TENM4: variants seen among roughly 807,000 people sequenced by gnomAD.
TENM4 encodes the protein teneurin transmembrane protein 4.
A neutral mutation model predicts 243.3 loss-of-function variants in TENM4; 82 were observed. That is an observed-to-expected ratio of 0.34 (90% CI 0.28 to 0.40). The LOEUF is 0.40. Ranked by LOEUF, TENM4 falls within the 10% of genes least tolerant of loss-of-function variation. The probability of loss-of-function intolerance (pLI) is 1.00; values close to 1 mark genes in which losing one functional copy is unlikely to be tolerated. For synonymous variants in TENM4, 1,412 were observed against 1,456.3 expected (o/e 0.97, Z 0.69); for missense variants, 3,138 against 3,673.3 (o/e 0.85, Z 3.77).
At position 79,005,682 on chromosome 11, in the gene TENM4, A is replaced by T. The variant is rs1301436595; in HGVS notation, c.493+59056T>A. On this transcript the variant is annotated intron_variant, in intron 6 of 33. Transcript: ENST00000278550. ...TTGAAGCATTTCCCCTGAGAGCAAG[A>T]AAAAGAAAAGGATGCCCACTCTCAC... Among the ~76,000 whole-genome samples the T allele has an allele frequency of 2.0e-5, 3 of 152,304 alleles. No homozygotes were observed. In the East Asian group the frequency reaches 5.8e-4, roughly 29 times the overall value.
At chr11:79,148,216 A>G (rs955511520) in intron 4 of TENM4, among the ~76,000 whole-genome samples, 19 of 152,222 alleles carry the variant, frequency 1.2e-4, no homozygotes, top group Admixed American at 1.3e-4. Context: ...AACAAATAAC[A>G]AGAAAAGATC....
chr11:79,348,387 A>G (rs1857363919), intron 1 of TENM4, among the ~76,000 whole-genome samples: 1 of 152,210 alleles, frequency 6.6e-6, no homozygotes, highest in South Asian at 2.1e-4. Context: ...CCCATACCAA[A>G]ACACAGGGAT....
At chr11:78,807,486 AAGGAGAAGAGT>A (rs2136090439) in intron 14 of TENM4, among the ~76,000 whole-genome samples, 1 of 152,346 alleles carries the variant, frequency 6.6e-6, no homozygotes, top group East Asian at 1.9e-4. Flanking sequence ...CTGCATGGAA[AAGGAGAAGAGT>A]ACTGAGAATT....
In TENM4 at chr11:79,188,680, G is replaced by A. The variant is rs1164757665; in HGVS notation, c.-163+27128C>T. On this transcript the variant is annotated intron_variant, in intron 3 of 33. Coordinates refer to ENST00000278550, the MANE Select transcript of TENM4 (RefSeq NM_001098816.3). ...GAGAAGTGAGGATGGGGATGGGGAAGAGGAGAAAAGAGAGAGAGGAGGGAA... is the reference window on the plus strand; with the variant it reads ...GAGAAGTGAGGATGGGGATGGGGAAAAGGAGAAAAGAGAGAGAGGAGGGAA... Among the ~76,000 whole-genome samples, 4 of 151,292 alleles carry A rather than the reference G, an allele frequency of 2.6e-5. No homozygotes were observed. The East Asian group carries it at 7.8e-4, about 30-fold the overall frequency.
intron 4 of TENM4, among the ~76,000 whole-genome samples, chr11:79,081,618 G>C (rs572638273): frequency 5.3e-4 from 80 of 151,676 alleles, no homozygotes; most frequent in African/African-American, 1.9e-3. Flanking sequence ...AGAAACCAAA[G>C]GCTCTATTGT....
chr11:78,999,066 A>C (rs1486167969), intron 6 of TENM4, among the ~76,000 whole-genome samples: 1 of 152,236 alleles, frequency 6.6e-6, no homozygotes, highest in African/African-American at 2.4e-5. Context: ...TGTTTTGAGC[A>C]CAGTCTCTGT....
At chr11:78,842,926 C>T (rs761566981) in intron 12 of TENM4, among the ~76,000 whole-genome samples, 40 of 152,132 alleles carry the variant, frequency 2.6e-4, no homozygotes, top group Non-Finnish European at 4.9e-4. Flanking sequence ...GTAATCCCAG[C>T]GCTTTGGGAG....
chr11:78,841,931 C>A (rs928135018), intron 12 of TENM4, among the ~76,000 whole-genome samples: 1 of 152,120 alleles, frequency 6.6e-6, no homozygotes, highest in Non-Finnish European at 1.5e-5. Context: ...TAATCATCTT[C>A]CTAAGTTTTC....
At chr11:78,893,166 C>T (rs1454429446) in intron 7 of TENM4, among the ~76,000 whole-genome samples, 1 of 152,202 alleles carries the variant, frequency 6.6e-6, no homozygotes, top group Non-Finnish European at 1.5e-5. Context: ...TAAAGTCTTC[C>T]CCAGTGCCTG....
intron 6 of TENM4, among the ~76,000 whole-genome samples, chr11:78,923,935 A>G (rs1390781109): frequency 1.4e-5 from 2 of 147,924 alleles, no homozygotes; most frequent in Non-Finnish European, 3.0e-5. Flanking sequence ...GCTTACTGCA[A>G]CCTCTGCCTC....
intron 6 of TENM4, among the ~76,000 whole-genome samples, chr11:78,948,423 G>A (rs1487174965): frequency 2.7e-5 from 4 of 149,834 alleles, no homozygotes; most frequent in Non-Finnish European, 5.9e-5. Context: ...GCCCAGGCTG[G>A]AATGCAGTGG....
intron 9 of TENM4, among the ~76,000 whole-genome samples, chr11:78,866,445 A>G (rs991580715): frequency 2.7e-5 from 4 of 147,246 alleles, no homozygotes; most frequent in African/African-American, 1.0e-4. Flanking sequence ...CAAGATGCAA[A>G]TAAGTCCTTG....
chr11:78,921,837 T>G (rs926703056), intron 6 of TENM4, among the ~76,000 whole-genome samples: 3 of 152,234 alleles, frequency 2.0e-5, no homozygotes, highest in Middle Eastern at 3.2e-3. Flanking sequence ...CTCTCCCTTC[T>G]CTGCCTTCAG....
At chr11:79,180,513 G>A (rs769764904) in intron 3 of TENM4, among the ~76,000 whole-genome samples, 28 of 151,840 alleles carry the variant, frequency 1.8e-4, no homozygotes, top group Middle Eastern at 3.4e-3. Flanking sequence ...AAGCATCAGC[G>A]TTCTCATTTA....
chr11:79,436,986 G>C (rs746421005), intron 1 of TENM4, among the ~76,000 whole-genome samples: 2 of 152,216 alleles, frequency 1.3e-5, no homozygotes, highest in Non-Finnish European at 2.9e-5. Flanking sequence ...CCTAAGTCCT[G>C]GCTGAATATC....
At chr11:79,337,412 C>G (rs1344743582) in intron 1 of TENM4, among the ~76,000 whole-genome samples, 1 of 152,118 alleles carries the variant, frequency 6.6e-6, no homozygotes, top group Non-Finnish European at 1.5e-5. Flanking sequence ...GGTACTTGTC[C>G]CTTGGAAGGT....
intron 1 of TENM4, among the ~76,000 whole-genome samples, 198 bp from the exon 2 acceptor site, chr11:79,297,741 G>C (rs1044235085): frequency 4.6e-5 from 7 of 152,174 alleles, no homozygotes; most frequent in Non-Finnish European, 1.0e-4. Flanking sequence ...ATAGTTATGT[G>C]TCAAGCAGGA....
chr11:78,684,667 A>G (rs1358895433), intron 29 of TENM4, among the ~76,000 whole-genome samples: 1 of 152,188 alleles, frequency 6.6e-6, no homozygotes, highest in African/African-American at 2.4e-5. Flanking sequence ...GCCTGGGTCC[A>G]AACACCCAAT....
intron 1 of TENM4, among the ~76,000 whole-genome samples, chr11:79,314,262 T>A (rs774202619): frequency 2.1e-4 from 32 of 152,358 alleles, no homozygotes; most frequent in African/African-American, 7.7e-4. Context: ...CAATGGATAC[T>A]AATCACTAAG....
Sources: gnomAD v4.1 joint callset for allele counts (sites outside exome capture counted in the v4.1 genomes callset) on GRCh38, gnomAD v4.1.1 for gene constraint, MANE v1.5 for transcripts, NCBI Gene and HGNC (gene_info 2026-07-23, HGNC 2026-07-21) for gene names.